Variants in LSM14A observed in about 807,000 individuals in gnomAD.
LSM14A encodes the protein protein LSM14 homolog A.
Under a neutral mutation model 52.4 loss-of-function variants are expected in LSM14A, and 14 were observed. The ratio of observed to expected loss-of-function variants is 0.27; its 90% confidence interval spans 0.18 to 0.42. LSM14A has a LOEUF of 0.42. Ranked by LOEUF, LSM14A falls within the 10% of genes least tolerant of loss-of-function variation. The probability of loss-of-function intolerance (pLI) is 1.00; values close to 1 mark genes in which losing one functional copy is unlikely to be tolerated. For missense variants in LSM14A, 417 were observed against 581.8 expected (o/e 0.72, Z 2.91); for synonymous variants, 185 against 200.3 (o/e 0.92, Z 0.64).
intron 1 of LSM14A, among the ~76,000 whole-genome samples, chr19:34,179,001 G>A (rs952074337): frequency 1.7e-4 from 26 of 152,156 alleles, no homozygotes; most frequent in African/African-American, 5.6e-4. Context: ...TTGCACCTAC[G>A]TCTATAAGTG....
intron 3 of LSM14A, 28 bp downstream of exon 3, chr19:34,196,791 T>A: frequency 6.3e-7 from 1 of 1,577,622 alleles, no homozygotes. Flanking sequence ...TTTCTTTTTT[T>A]GTTTTTGTAT....
At chr19:34,208,655 A>G (rs528842550) in intron 3 of LSM14A, 20 of 254,664 alleles carry the variant, frequency 7.9e-5, no homozygotes, top group Non-Finnish European at 4.4e-5. Flanking sequence ...TCCCATCTGC[A>G]TAACTGCCTA....
At chr19:34,198,555 G>A (rs2071043388) in intron 3 of LSM14A, among the ~76,000 whole-genome samples, 1 of 152,174 alleles carries the variant, frequency 6.6e-6, no homozygotes, top group South Asian at 2.1e-4. Flanking sequence ...GGCAGAGGTT[G>A]CAGTGAGCTG....
intron 1 of LSM14A, among the ~76,000 whole-genome samples, chr19:34,178,573 A>G (rs371362448): frequency 2.6e-5 from 4 of 152,282 alleles, no homozygotes; most frequent in African/African-American, 9.6e-5. Context: ...TTATTTGCAT[A>G]TGTGTTTATT....
intron 1 of LSM14A, among the ~76,000 whole-genome samples, chr19:34,191,969 C>T (rs2070411114): frequency 1.3e-5 from 2 of 151,554 alleles, no homozygotes; most frequent in South Asian, 4.2e-4. Flanking sequence ...TCCGCAGTCC[C>T]TGTCCCCATC....
At chr19:34,212,662 G>A (rs1392605967) in intron 4 of LSM14A, among the ~76,000 whole-genome samples, 3 of 152,102 alleles carry the variant, frequency 2.0e-5, no homozygotes, top group Non-Finnish European at 4.4e-5. Context: ...ATAGCTCAAG[G>A]GAGTGTGTCT....
intron 4 of LSM14A, among the ~76,000 whole-genome samples, chr19:34,210,276 T>A (rs1220602427): frequency 1.3e-5 from 2 of 152,088 alleles, no homozygotes; most frequent in Admixed American, 1.3e-4. Context: ...TTTTTCTTTT[T>A]TTTTTTCTTT....
intron 3 of LSM14A, among the ~76,000 whole-genome samples, chr19:34,202,338 A>G (rs2071359132): frequency 6.6e-6 from 1 of 151,452 alleles, no homozygotes; most frequent in Admixed American, 6.6e-5. Flanking sequence ...TACAAAAAAA[A>G]AAAAATTAGG....
chr19:34,205,005 G>A (rs1193045852), intron 3 of LSM14A, among the ~76,000 whole-genome samples: 3 of 152,036 alleles, frequency 2.0e-5, no homozygotes, highest in Admixed American at 2.0e-4. Context: ...CTTGGCATGC[G>A]CCTGTAGTCC....
intron 1 of LSM14A, among the ~76,000 whole-genome samples, chr19:34,179,764 T>A (rs909027091): frequency 1.4e-4 from 21 of 152,224 alleles, no homozygotes; most frequent in African/African-American, 4.8e-4. Context: ...TGTATTTAAC[T>A]CAGTGCCACA....
intron 6 of LSM14A, among the ~76,000 whole-genome samples, chr19:34,217,617 GT>G (rs372888772): frequency 2.7e-5 from 1 of 36,688 alleles, no homozygotes; most frequent in South Asian, 1.4e-3. Flanking sequence ...CCCCCCCCCC[GT>G]GTTTTTTTTT....
intron 9 of LSM14A, among the ~76,000 whole-genome samples, chr19:34,223,908 T>G (rs566364022): frequency 6.6e-6 from 1 of 152,240 alleles, no homozygotes; most frequent in Non-Finnish European, 1.5e-5. Flanking sequence ...CATTAAACTT[T>G]CAGAGTTGGA....
intron 1 of LSM14A, among the ~76,000 whole-genome samples, chr19:34,176,849 G>A (rs1568469364): frequency 6.6e-6 from 1 of 152,194 alleles, no homozygotes; most frequent in Non-Finnish European, 1.5e-5. Flanking sequence ...GTAATGCCAG[G>A]TAGTTTTTCA....
At chr19:34,179,039 A>G (rs1365346902) in intron 1 of LSM14A, among the ~76,000 whole-genome samples, 1 of 152,246 alleles carries the variant, frequency 6.6e-6, no homozygotes, top group African/African-American at 2.4e-5. Context: ...GGCTAAAATG[A>G]ATGAAATTCT....
chr19:34,183,548 CA>C (rs566818857), intron 1 of LSM14A, among the ~76,000 whole-genome samples: 10 of 144,848 alleles, frequency 6.9e-5, no homozygotes, highest in African/African-American at 7.7e-5. Flanking sequence ...GAGTTCGTCT[CA>C]AAAAAAAAAT....
chr19:34,190,963 CTGTTA>C (rs2070332192), intron 1 of LSM14A, among the ~76,000 whole-genome samples: 2 of 152,000 alleles, frequency 1.3e-5, no homozygotes, highest in East Asian at 1.9e-4. Context: ...CATTTCTATT[CTGTTA>C]TATCTTTAAT....
At position 34,221,636 on chromosome 19, in the gene LSM14A, G is replaced by A. The variant is rs751668614; in HGVS notation, c.1266G>A (p.Gly422=). The A allele has an allele frequency of 5.0e-6, 8 of 1,614,126 alleles. No individual in the cohort carries two copies. In the South Asian group the frequency reaches 5.5e-5, roughly 11 times the overall value. ...RGGLGFRGGR[G]RGGGRGGTFT... The stretch of plus-strand genomic sequence containing the variant: ...GTCTTGGTTTCCGTGGTGGCAGAGG[G>A]CGTGGTGGTGGCAGAGGTGGTACCT... Residue 422 remains glycine, a synonymous_variant, in exon 9 of 10, where the codon GGG becomes GGA. Coordinates refer to ENST00000544216, the MANE Select transcript of LSM14A (RefSeq NM_015578.4).
intron 3 of LSM14A, among the ~76,000 whole-genome samples, chr19:34,203,431 G>A (rs961689105): frequency 1.3e-5 from 2 of 152,180 alleles, no homozygotes; most frequent in African/African-American, 4.8e-5. Flanking sequence ...AAGCCTTGAA[G>A]AGATGCTTAC....
At chr19:34,197,871 T>C (rs1235762486) in intron 3 of LSM14A, among the ~76,000 whole-genome samples, 2 of 152,212 alleles carry the variant, frequency 1.3e-5, no homozygotes, top group Admixed American at 6.5e-5. Flanking sequence ...AATGAGAATG[T>C]ATAGCAGGGC....
Sources: gnomAD v4.1 joint callset for allele counts (sites outside exome capture counted in the v4.1 genomes callset) on GRCh38, gnomAD v4.1.1 for gene constraint, MANE v1.5 for transcripts, NCBI Gene and HGNC (gene_info 2026-07-23, HGNC 2026-07-21) for gene names.